WDR59: variants seen among roughly 807,000 people sequenced by gnomAD.
The protein encoded by WDR59 is GATOR2 complex protein WDR59.
In WDR59, 100 loss-of-function variants were observed where a neutral mutation model predicts 131.2. That is an observed-to-expected ratio of 0.76 (90% CI 0.65 to 0.90). WDR59 has a LOEUF of 0.90. WDR59 is among the 40% of genes least tolerant of loss of function. The pLI, the probability that WDR59 is intolerant of heterozygous loss-of-function variation, is 0.00. For synonymous variants in WDR59, 601 were observed against 466.2 expected, an observed-to-expected ratio of 1.29 and a Z score of -3.72; for missense variants, 1,203 against 1,262.2, an observed-to-expected ratio of 0.95 and a Z score of 0.71.
At chr16:74,982,790 G>C (rs576032954) in intron 1 of WDR59, among the ~76,000 whole-genome samples, 19 of 152,256 alleles carry the variant, frequency 1.2e-4, no homozygotes, top group Admixed American at 6.5e-4. Flanking sequence ...ATTCTCAGTA[G>C]AGGCTACTGA....
At chr16:74,944,921 A>C (rs1009283850) in intron 6 of WDR59, among the ~76,000 whole-genome samples, 2 of 151,350 alleles carry the variant, frequency 1.3e-5, no homozygotes, top group African/African-American at 4.9e-5. Context: ...GTCAGGAGTT[A>C]GAGACCAGCC....
intron 12 of WDR59, 64 bp from the exon 13 acceptor site, chr16:74,916,058 G>C: frequency 3.7e-6 from 6 of 1,613,934 alleles, no homozygotes; most frequent in Non-Finnish European, 5.1e-6. Context: ...GAACAGGTCT[G>C]GGGTATCTGC....
At chr16:74,977,459 C>T (rs928630728) in intron 1 of WDR59, among the ~76,000 whole-genome samples, 4 of 151,360 alleles carry the variant, frequency 2.6e-5, no homozygotes, top group Non-Finnish European at 5.9e-5. Flanking sequence ...GAGGCCGAGG[C>T]GGGCAGATCA....
chr16:74,879,933 C>A (rs373617487), intron 25 of WDR59, among the ~76,000 whole-genome samples: 3 of 152,262 alleles, frequency 2.0e-5, no homozygotes, highest in East Asian at 3.9e-4. Flanking sequence ...TGCTTCTAAT[C>A]CCAGCACTTT....
intron 11 of WDR59, 33 bp downstream of exon 11, chr16:74,917,896 G>T (rs763466501): frequency 4.4e-6 from 7 of 1,588,330 alleles, no homozygotes; most frequent in Non-Finnish European, 5.2e-6. Flanking sequence ...GTGGATTCAG[G>T]TACATTTCTC....
chr16:74,970,495 C>CAAAAAAAAAAAAAAAA lies in WDR59; in HGVS notation c.55-4689_55-4674dup, dbSNP rs746574195. Among the ~76,000 whole-genome samples, 79 of 33,330 alleles carry CAAAAAAAAAAAAAAAA rather than the reference C, an allele frequency of 2.4e-3. 13 individuals carry two copies. Among genetic ancestry groups the CAAAAAAAAAAAAAAAA allele is most frequent in the Non-Finnish European group, 3.6e-3 (57 of 15,624 alleles). The allele number at this position is 33,330 out of a possible 152,430, so 21.9% of individuals were successfully genotyped here. On this transcript the variant is annotated intron_variant, in intron 1 of 25. Transcript: ENST00000262144. ...GGGTGACAGAGAGAGACTCTGTCTC[C>CAAAAAAAAAAAAAAAA]AAAAAAAAAAAAAAAAAAAAAAAAA... is the stretch of plus-strand genomic sequence containing the variant.
At chr16:74,875,146 G>T (rs28687393) in intron 25 of WDR59, among the ~76,000 whole-genome samples, 2,640 of 152,260 alleles carry the variant, frequency 0.017, 57 homozygotes, top group African/African-American at 0.057. Context: ...CTTTACCAAC[G>T]CCTGCTACTG....
intron 7 of WDR59, among the ~76,000 whole-genome samples, chr16:74,940,416 A>G (rs901801597): frequency 4.6e-5 from 7 of 151,950 alleles, no homozygotes; most frequent in African/African-American, 1.7e-4. Flanking sequence ...CAAACAAACA[A>G]AAACATGTAC....
chr16:74,881,701 T>C (rs1029797054), intron 25 of WDR59, among the ~76,000 whole-genome samples: 1 of 151,644 alleles, frequency 6.6e-6, no homozygotes, highest in African/African-American at 2.4e-5. Flanking sequence ...GGTGAAACCG[T>C]GTCTCTACTA....
chr16:74,912,006 G>C, intron 14 of WDR59, 192 bp downstream of exon 14: 1 of 690,588 alleles, frequency 1.4e-6, no homozygotes, highest in Non-Finnish European at 2.3e-6. Flanking sequence ...CCCAAAAAAG[G>C]TTAAGAACCA....
intron 1 of WDR59, among the ~76,000 whole-genome samples, chr16:74,981,653 TA>T (rs1567450954): frequency 0.028 from 177 of 6,304 alleles, 16 homozygotes; most frequent in Admixed American, 0.17. Context: ...TATATATATA[TA>T]TATATATTTT....
At chr16:74,903,858 A>G in intron 18 of WDR59, 89 bp downstream of exon 18, 1 of 1,443,040 alleles carries the variant, frequency 6.9e-7, no homozygotes, top group South Asian at 1.4e-5. Flanking sequence ...CAGGGTGATT[A>G]CTAATCTAGC....
At chr16:74,940,136 T>C (rs942848904) in intron 7 of WDR59, among the ~76,000 whole-genome samples, 9 of 152,080 alleles carry the variant, frequency 5.9e-5, no homozygotes, top group African/African-American at 2.2e-4. Flanking sequence ...CCCAGCACCT[T>C]GGGAGGCAAA....
chr16:74,957,862 T>C (rs1037643273), intron 2 of WDR59, among the ~76,000 whole-genome samples: 4 of 152,072 alleles, frequency 2.6e-5, no homozygotes, highest in African/African-American at 9.7e-5. Flanking sequence ...CTCTAGGTGG[T>C]AGCAGAACTC....
intron 4 of WDR59, 73 bp downstream of exon 4, chr16:74,951,385 G>C: frequency 7.1e-7 from 1 of 1,404,074 alleles, no homozygotes; most frequent in East Asian, 2.4e-5. Context: ...AAGGAGGACG[G>C]CATCATCATT....
At chr16:74,882,767 A>G (rs1056545240) in intron 25 of WDR59, among the ~76,000 whole-genome samples, 11 of 133,690 alleles carry the variant, frequency 8.2e-5, no homozygotes, top group African/African-American at 2.7e-5. Context: ...CCGAGATCGC[A>G]TGATTGCAGT....
At chr16:74,923,566 C>G (rs1038870156) in intron 9 of WDR59, among the ~76,000 whole-genome samples, 1 of 152,114 alleles carries the variant, frequency 6.6e-6, no homozygotes, top group Non-Finnish European at 1.5e-5. Flanking sequence ...CAAGCTCTGC[C>G]TCCCGGGTTC....
intron 2 of WDR59, among the ~76,000 whole-genome samples, chr16:74,963,528 G>A (rs2145188465): frequency 6.6e-6 from 1 of 151,626 alleles, no homozygotes; most frequent in African/African-American, 2.4e-5. Flanking sequence ...TTATAAGTGT[G>A]AGCTGAACAG....
intron 18 of WDR59, among the ~76,000 whole-genome samples, chr16:74,895,805 T>A (rs1035985435): frequency 6.6e-6 from 1 of 152,186 alleles, no homozygotes; most frequent in Non-Finnish European, 1.5e-5. Flanking sequence ...CCTGTCAGAA[T>A]GGGCTGGAGC....
Sources: allele counts gnomAD v4.1 joint callset (sites outside exome capture counted in the v4.1 genomes callset), GRCh38; gene constraint gnomAD v4.1.1; transcripts MANE v1.5; gene names NCBI Gene and HGNC (gene_info 2026-07-23, HGNC 2026-07-21).